The following RBMS1 variants were observed in gnomAD, a reference collection of about 807,000 sequenced individuals.
RBMS1 encodes the protein RNA binding motif single stranded interacting protein 1.
RBMS1 carries 17 observed loss-of-function variants against 62.3 expected under a neutral mutation model. The ratio of observed to expected loss-of-function variants is 0.27; its 90% CI spans 0.19 to 0.41. The LOEUF is 0.41. Ranked by LOEUF, RBMS1 falls within the 10% of genes least tolerant of loss-of-function variation. RBMS1 has a pLI of 1.00. For synonymous variants in RBMS1, 172 were observed against 170.0 expected (o/e 1.01, Z -0.09); for missense variants, 334 against 504.5 (o/e 0.66, Z 3.24).
At chr2:160,336,408 C>T (rs958289026) in intron 2 of RBMS1, among the ~76,000 whole-genome samples, 26 of 152,036 alleles carry the variant, frequency 1.7e-4, no homozygotes, top group African/African-American at 6.0e-4. Flanking sequence ...ACAACCCATG[C>T]CTCTAAGAAA....
chr2:160,367,156 T>C, intron 2 of RBMS1, 60 bp downstream of exon 2: 1 of 1,527,426 alleles, frequency 6.5e-7, no homozygotes, highest in Admixed American at 1.7e-5. Flanking sequence ...TATATATCAC[T>C]CTATAATATG....
intron 2 of RBMS1, among the ~76,000 whole-genome samples, chr2:160,360,465 T>G (rs563314561): frequency 6.6e-6 from 1 of 152,298 alleles, no homozygotes; most frequent in South Asian, 2.1e-4. Context: ...AACTAAAATG[T>G]TAGCGTTAAC....
intron 2 of RBMS1, among the ~76,000 whole-genome samples, chr2:160,359,184 T>C (rs1020628739): frequency 6.6e-6 from 1 of 151,988 alleles, no homozygotes; most frequent in African/African-American, 2.4e-5. Flanking sequence ...AAAGAGAAGC[T>C]ATTTCCTTAT....
intron 2 of RBMS1, among the ~76,000 whole-genome samples, chr2:160,359,900 T>C (rs1693028885): frequency 6.6e-6 from 1 of 152,188 alleles, no homozygotes; most frequent in Non-Finnish European, 1.5e-5. Flanking sequence ...CCATTTCAAG[T>C]TGTCCTTCTC....
intron 1 of RBMS1, among the ~76,000 whole-genome samples, chr2:160,418,995 T>C (rs1323187750): frequency 6.6e-6 from 1 of 152,202 alleles, no homozygotes; most frequent in Admixed American, 6.5e-5. Context: ...TATTATTCTA[T>C]AAAGTTAAAA....
intron 6 of RBMS1, among the ~76,000 whole-genome samples, chr2:160,291,629 TC>T (rs1330919597): frequency 6.6e-6 from 1 of 152,188 alleles, no homozygotes; most frequent in African/African-American, 2.4e-5. Context: ...TTTCTCCTCC[TC>T]CCCTGTGCCT....
intron 9 of RBMS1, chr2:160,282,458 C>G (rs555215708): frequency 2.2e-5 from 11 of 507,180 alleles, no homozygotes; most frequent in African/African-American, 1.6e-4. Context: ...GAAAGGCCCA[C>G]TCCAACATGA....
At chr2:160,321,442 T>A (rs1690555495) in intron 2 of RBMS1, among the ~76,000 whole-genome samples, 1 of 152,220 alleles carries the variant, frequency 6.6e-6, no homozygotes, top group East Asian at 1.9e-4. Flanking sequence ...TGTTTTTAAT[T>A]AATGAATCTC....
rs201492090 is a variant in RBMS1 at position 160,324,882 on chromosome 2, G to GTATA, written c.252-6659_252-6656dup. ...CTAAGCGAGATGTGTGTGTGTGTGTGTATATATATATATATATATATATAT... is the reference window on the plus strand; with the variant it reads ...CTAAGCGAGATGTGTGTGTGTGTGTGTATATATATATATATATATATATATATAT... On this transcript the variant is annotated intron_variant, in intron 2 of 13. Transcript: ENST00000348849. 6.3e-3 allele frequency among the ~76,000 whole-genome samples: 627 copies of GTATA among 99,964 alleles called. 6 individuals carry two copies. The highest frequency in any genetic ancestry group is 0.017 in the East Asian group (51 of 2,978). 65.6% of individuals were successfully genotyped at this position (99,964 alleles called of 152,430 possible). A position where few individuals can be genotyped will look rare whatever the true frequency, so the allele number is the denominator to read the frequency against.
At chr2:160,381,997 C>T (rs1169541843) in intron 1 of RBMS1, among the ~76,000 whole-genome samples, 1 of 152,122 alleles carries the variant, frequency 6.6e-6, no homozygotes, top group African/African-American at 2.4e-5. Flanking sequence ...GATTAAAGAA[C>T]AAATCTCCCC....
At chr2:160,289,414 T>C (rs1036467556) in intron 6 of RBMS1, among the ~76,000 whole-genome samples, 3 of 152,230 alleles carry the variant, frequency 2.0e-5, no homozygotes, top group African/African-American at 7.2e-5. Flanking sequence ...ATGACACATT[T>C]CTGAGATAGT....
chr2:160,330,355 A>G (rs961961049), intron 2 of RBMS1, among the ~76,000 whole-genome samples: 1 of 152,140 alleles, frequency 6.6e-6, no homozygotes, highest in African/African-American at 2.4e-5. Context: ...GCACTTGTAA[A>G]AGACATTTTA....
chr2:160,491,286 C>T (rs1235769016), intron 1 of RBMS1, among the ~76,000 whole-genome samples: 1 of 152,140 alleles, frequency 6.6e-6, no homozygotes, highest in African/African-American at 2.4e-5. Flanking sequence ...AGTATGTATA[C>T]CTTTCTCCAG....
intron 1 of RBMS1, among the ~76,000 whole-genome samples, chr2:160,399,398 GGGTCCTCACTA>G (rs1240793983): frequency 6.6e-6 from 1 of 152,068 alleles, no homozygotes; most frequent in African/African-American, 2.4e-5. Flanking sequence ...GACTTCTTTT[GGGTCCTCACTA>G]GCTCTCAGCA....
At chr2:160,461,997 A>C (rs761182122) in intron 1 of RBMS1, among the ~76,000 whole-genome samples, 3 of 152,144 alleles carry the variant, frequency 2.0e-5, no homozygotes, top group Non-Finnish European at 4.4e-5. Flanking sequence ...TTCTATGATA[A>C]TGGAAGGCAA....
chr2:160,339,883 A>G (rs138403782), intron 2 of RBMS1, among the ~76,000 whole-genome samples: 1 of 152,270 alleles, frequency 6.6e-6, no homozygotes, highest in East Asian at 1.9e-4. Flanking sequence ...CAATACTCAG[A>G]GTGCTATGTA....
intron 2 of RBMS1, among the ~76,000 whole-genome samples, chr2:160,358,374 C>G (rs560139520): frequency 6.6e-6 from 1 of 152,106 alleles, no homozygotes; most frequent in African/African-American, 2.4e-5. Flanking sequence ...AACTGCACAT[C>G]GTATAGATCA....
At chr2:160,469,311 T>C (rs1236635217) in intron 1 of RBMS1, among the ~76,000 whole-genome samples, 1 of 152,208 alleles carries the variant, frequency 6.6e-6, no homozygotes, top group Non-Finnish European at 1.5e-5. Context: ...CGTCCTGTCC[T>C]CTTTGTCAGA....
At chr2:160,346,605 G>C (rs1692189129) in intron 2 of RBMS1, among the ~76,000 whole-genome samples, 1 of 152,130 alleles carries the variant, frequency 6.6e-6, no homozygotes, top group South Asian at 2.1e-4. Flanking sequence ...ACCAATGCAG[G>C]AATGGGGTTA....
Sources: allele counts gnomAD v4.1 joint callset (sites outside exome capture counted in the v4.1 genomes callset), GRCh38; gene constraint gnomAD v4.1.1; transcripts MANE v1.5; gene names NCBI Gene and HGNC (gene_info 2026-07-23, HGNC 2026-07-21).